The following NCOR2 variants were observed in gnomAD, a reference collection of about 807,000 sequenced individuals.
The protein encoded by NCOR2 is CTG repeat protein 26.
NCOR2 carries 81 observed loss-of-function variants against 262.9 expected under a neutral mutation model. The observed-to-expected ratio is 0.31, with a 90% confidence interval of 0.26 to 0.37. The LOEUF (loss-of-function observed/expected upper bound fraction) is 0.37, where lower values mean the gene tolerates loss of function less well. NCOR2 is among the 10% of genes least tolerant of loss of function. The pLI is 1.00. For synonymous variants in NCOR2, 1,659 were observed against 1,559.3 expected (o/e 1.06, Z -1.51); for missense variants, 3,385 against 3,621.4 (o/e 0.93, Z 1.68).
At chr12:124,333,102 G>T (rs2035364256) in intron 42 of NCOR2, 28 bp downstream of exon 44, 1 of 1,572,578 alleles carries the variant, frequency 6.4e-7, no homozygotes, top group Non-Finnish European at 8.6e-7. Context: ...GAGCATCCCG[G>T]GGGCAGCGCA....
Position 124,443,659 on chromosome 12 carries a change from C to G in NCOR2, c.816-5663G>C, listed in dbSNP as rs1000745128. On this transcript the variant is annotated intron_variant, in intron 7 of 46. Transcript: ENST00000405201. The surrounding 1 kb of genome is among the most constrained non-coding windows in gnomAD (Gnocchi z 4.4). ...CTGGGGCTATAGGCACGTGCCACTA[C>G]GCCCAGCTAATTTTCGTATTTTTAG... Among the ~76,000 whole-genome samples, 7 of 152,074 alleles carry G rather than the reference C, an allele frequency of 4.6e-5. No individual in the cohort carries two copies. Among genetic ancestry groups the G allele is most frequent in the Non-Finnish European group, 1.0e-4 (7 of 68,026 alleles).
chr12:124,340,170 A>G (rs80209266), exon 37 of NCOR2: 8 of 595,820 alleles, frequency 1.3e-5, no homozygotes, highest in South Asian at 1.3e-4. Flanking sequence ...TGCTGCCCCC[A>G]CCCCCGCCGC....
intron 1 of NCOR2, among the ~76,000 whole-genome samples, chr12:124,552,975 C>T (rs186086407): frequency 7.2e-5 from 11 of 152,318 alleles, no homozygotes; most frequent in East Asian, 5.8e-4. Flanking sequence ...CGTGAGCCAC[C>T]GTGCCCAGCC....
intron 1 of NCOR2, chr12:124,530,218 T>G (rs2050707958): frequency 6.6e-6 from 1 of 152,046 alleles, no homozygotes; most frequent in Non-Finnish European, 1.5e-5. Flanking sequence ...AAAATGATAA[T>G]TTTATTATAA....
At chr12:124,428,087 G>GTGTGTGTGTGTGTGTGTGTGTA (rs1382558223) in intron 10 of NCOR2, among the ~76,000 whole-genome samples, 1 of 145,278 alleles carries the variant, frequency 6.9e-6, no homozygotes, top group Non-Finnish European at 1.5e-5. Flanking sequence ...GTGTGTGTGT[G>GTGTGTGTGTGTGTGTGTGTGTA]TACATGCAAC....
Position 124,433,868 on chromosome 12 carries a change from AC to A in NCOR2, c.883-3082del, listed in dbSNP as rs1309147090. The stretch of plus-strand genomic sequence containing the variant: ...CTTACACACACACACACACACACAC[AC>A]ACACACACACACACACACACACACA... On this transcript the variant is annotated intron_variant, in intron 8 of 46. Coordinates refer to ENST00000405201, the Ensembl canonical transcript of NCOR2. 2.3e-3 allele frequency among the ~76,000 whole-genome samples: 155 copies of A among 66,508 alleles called. 4 individuals carry two copies. The South Asian group carries it at 0.042, about 18-fold the overall frequency. 43.6% of individuals were successfully genotyped at this position (66,508 alleles called of 152,430 possible).
intron 1 of NCOR2, among the ~76,000 whole-genome samples, chr12:124,512,956 G>A (rs1178885762): frequency 6.6e-6 from 1 of 152,214 alleles, no homozygotes; most frequent in Non-Finnish European, 1.5e-5. Flanking sequence ...GGGCCAGGGA[G>A]GGCTTCCTGG....
At position 124,417,034 on chromosome 12, in the gene NCOR2, C is replaced by G. The variant is rs181980435; in HGVS notation, c.1482+2923G>C. Reference sequence around the variant, plus strand: ...CGCTCCGCCCAGAGCAAGCCGGACACTCACTCCTGAGAGCAAGCCGGACAC... The same window carrying G: ...CGCTCCGCCCAGAGCAAGCCGGACAGTCACTCCTGAGAGCAAGCCGGACAC... On this transcript the variant is annotated intron_variant, in intron 13 of 46. Transcript: ENST00000405201. Among the ~76,000 whole-genome samples, 39 of 147,490 alleles carry G rather than the reference C, an allele frequency of 2.6e-4. 2 individuals carry two copies. The East Asian group carries it at 6.6e-3, about 25-fold the overall frequency.
intron 1 of NCOR2, among the ~76,000 whole-genome samples, chr12:124,515,968 T>G (rs554096387): frequency 6.6e-6 from 1 of 152,124 alleles, no homozygotes; most frequent in Admixed American, 6.5e-5. Flanking sequence ...CCTGAGGACT[T>G]TGGCAAAGGT....
chr12:124,400,485 C>T lies in NCOR2; in HGVS notation c.1813+16G>A. 6.2e-7 allele frequency: 1 copy of T among 1,607,620 alleles called. No homozygotes were observed. Among genetic ancestry groups the T allele is most frequent in the South Asian group, 1.1e-5 (1 of 90,986 alleles). On this transcript the variant is annotated intron_variant, in intron 15 of 46. Transcript: ENST00000405201. ...TCCAGCCCCTTCCCCACCCGCATCC[C>T]TGGCCCCCAGCTCACCCAGCTCGGC...
chr12:124,417,306 C>T (rs1702340), intron 13 of NCOR2, among the ~76,000 whole-genome samples: 96,765 of 147,212 alleles, frequency 0.66, 35,857 homozygotes, highest in Non-Finnish European at 0.83. Context: ...CGGACACTCA[C>T]TCTACTGGAC....
chr12:124,426,608 G>A lies in NCOR2; in HGVS notation c.1328+14C>T, dbSNP rs140053139. ...GGGGGGCCGGGAGGCCAGGCCAGGT[G>A]ATGGAGGACTCACTTCTCCCGGAAG... On this transcript the variant is annotated intron_variant, in intron 11 of 46. Transcript: ENST00000405201. 1.2e-4 allele frequency: 184 copies of A among 1,569,292 alleles called. No individual in the cohort carries two copies. In the African/African-American group the frequency reaches 2.2e-3, roughly 19 times the overall value.
intron 1 of NCOR2, among the ~76,000 whole-genome samples, chr12:124,564,138 C>T (rs1009139157): frequency 6.6e-6 from 1 of 152,250 alleles, no homozygotes; most frequent in Non-Finnish European, 1.5e-5. Context: ...TGATCCACAG[C>T]CTTTTCCAAC....
rs372774502 is a variant in NCOR2 at position 124,340,151 on chromosome 12, G to T, written c.5542C>A (p.Pro1848Thr). The change falls in exon 37 of 47, where the codon CCC (proline) becomes ACC (threonine). Residue 1848 changes from proline (P) to threonine (T), a missense_variant. Pro to Thr is a conservative substitution (Grantham distance 38). This residue lies in a region of NCOR2 where 1,017 missense variants were observed against 967.2 expected (regional missense o/e 1.05). Coordinates refer to ENST00000405201, the Ensembl canonical transcript of NCOR2. Reference sequence around the variant, plus strand: ...TGGTGGGCATGGGAGTGGGAGGCGGGGCGGCTGCTGCTGCCCCCACCCCCG... The same window carrying T: ...TGGTGGGCATGGGAGTGGGAGGCGGTGCGGCTGCTGCTGCCCCCACCCCCG... 22 of 1,590,702 alleles carry T rather than the reference G, an allele frequency of 1.4e-5. No individual in the cohort carries two copies. Among genetic ancestry groups the T allele is most frequent in the African/African-American group, 8.7e-5 (6 of 68,780 alleles).
At chr12:124,415,807 T>C (rs936747996) in intron 13 of NCOR2, among the ~76,000 whole-genome samples, 1 of 152,090 alleles carries the variant, frequency 6.6e-6, no homozygotes, top group Admixed American at 6.5e-5. Flanking sequence ...GTTTCCTCCC[T>C]GCTATGGAAC....
intron 1 of NCOR2, chr12:124,556,066 G>A (rs1037992178): frequency 5.9e-5 from 9 of 152,288 alleles, no homozygotes; most frequent in African/African-American, 2.2e-4. Flanking sequence ...GGCTGAATTA[G>A]GCAAAACGTG....
intron 13 of NCOR2, among the ~76,000 whole-genome samples, chr12:124,419,744 C>T (rs1329389439): frequency 1.3e-5 from 2 of 152,210 alleles, no homozygotes; most frequent in African/African-American, 4.8e-5. Flanking sequence ...ACGGGAGGCT[C>T]GAGATAGCCT....
At chr12:124,418,758 G>A (rs909588999) in intron 13 of NCOR2, among the ~76,000 whole-genome samples, 1 of 152,244 alleles carries the variant, frequency 6.6e-6, no homozygotes, top group Non-Finnish European at 1.5e-5. Context: ...AGGGGTGTCA[G>A]AAAGCAGTCA....
At chr12:124,453,571 G>T (rs1165472775) in intron 6 of NCOR2, among the ~76,000 whole-genome samples, 1 of 152,208 alleles carries the variant, frequency 6.6e-6, no homozygotes, top group Non-Finnish European at 1.5e-5. Context: ...GGGAGGAGGC[G>T]GCCCCCCTCG....
Sources: gnomAD v4.1 joint callset for allele counts (sites outside exome capture counted in the v4.1 genomes callset) on GRCh38, gnomAD v4.1.1 for gene constraint, gnomAD v4.1.1 regional missense constraint, Gnocchi (gnomAD v3.1) non-coding constraint, MANE v1.5 for transcripts, NCBI Gene and HGNC (gene_info 2026-07-23, HGNC 2026-07-21) for gene names.